PSTPIP1: variants seen among roughly 807,000 people sequenced by gnomAD.
PSTPIP1 encodes the protein proline-serine-threonine phosphatase interacting protein 1.
Under a neutral mutation model 69.6 loss-of-function variants are expected in PSTPIP1, and 66 were observed. That is an observed-to-expected ratio of 0.95 (90% CI 0.78 to 1.16). The LOEUF is 1.16. Ranked by LOEUF, PSTPIP1 falls within the 50% of genes most tolerant of loss-of-function variation. The probability of loss-of-function intolerance (pLI) is 0.00; values close to 1 mark genes in which losing one functional copy is unlikely to be tolerated. For synonymous variants in PSTPIP1, 266 were observed against 222.7 expected (o/e 1.19, Z -1.73); for missense variants, 603 against 557.4 (o/e 1.08, Z -0.82).
rs369985315 is a variant in PSTPIP1, at chr15:77,023,203, GA to G, written c.213-2080del. ...ATGAGCCTGGGGACAATGAGGAGGA[GA>G]GCCAGGCATTGCCCCTGTCCTCAAG... On this transcript the variant is annotated intron_variant, in intron 3 of 14. Transcript: ENST00000558012. Among the ~76,000 whole-genome samples the G allele has an allele frequency of 2.2e-3, 329 of 152,390 alleles. 2 individuals carry two copies. Among genetic ancestry groups the G allele is most frequent in the African/African-American group, 7.8e-3 (323 of 41,596 alleles).
intron 9 of PSTPIP1, 93 bp downstream of exon 9, chr15:77,030,674 A>G: frequency 8.1e-7 from 1 of 1,230,932 alleles, no homozygotes; most frequent in Non-Finnish European, 1.1e-6. Context: ...CAAGTGAGGC[A>G]GTTGGGGAAG....
Position 77,037,219 on chromosome 15 carries a change from CCAG to C in PSTPIP1, c.*47_*49del, listed in dbSNP as rs1270263768. 1 of 1,557,674 alleles carries C rather than the reference CCAG, an allele frequency of 6.4e-7. No individual in the cohort carries two copies. The highest frequency in any genetic ancestry group is 1.4e-5 in the African/African-American group (1 of 73,486). On this transcript the variant is annotated 3_prime_UTR_variant, in exon 15 of 15. Coordinates refer to ENST00000558012, the MANE Select transcript of PSTPIP1 (RefSeq NM_003978.5). ...CTTCGGACCTGCCCTGCCAGTGGAG[CCAG>C]CAGTGCCCCCAGCACTGTCCCCACC...
At chr15:77,032,779 G>T in intron 11 of PSTPIP1, 83 bp from the exon 12 acceptor site, 1 of 1,247,930 alleles carries the variant, frequency 8.0e-7, no homozygotes, top group Non-Finnish European at 1.1e-6. Context: ...GCCAGATTGG[G>T]AATGTAGGGC....
At chr15:76,997,732 GA>G (rs2075612184) in intron 1 of PSTPIP1, among the ~76,000 whole-genome samples, 1 of 152,190 alleles carries the variant, frequency 6.6e-6, no homozygotes, top group East Asian at 1.9e-4. Flanking sequence ...TTATCTCCCA[GA>G]GGGGTAAGAA....
At chr15:77,026,212 T>C (rs1156844611) in intron 5 of PSTPIP1, 1 of 455,824 alleles carries the variant, frequency 2.2e-6, no homozygotes, top group South Asian at 1.5e-5. Context: ...TCAGGGAGGC[T>C]GCAGGGCTGA....
chr15:77,037,449 G>A lies in PSTPIP1; in HGVS notation c.*273G>A, dbSNP rs569549438. 65 of 346,524 alleles carry A rather than the reference G, an allele frequency of 1.9e-4. No individual in the cohort carries two copies. Among genetic ancestry groups the A allele is most frequent in the African/African-American group, 1.2e-3 (56 of 47,950 alleles). The allele number at this position is 346,524 out of a possible 1,614,324, so 21.5% of individuals were successfully genotyped here. The stretch of plus-strand genomic sequence containing the variant: ...GGATGTGGAGCTCCCCAACTCAGCC[G>A]AGGCTTCAGCTATAGTTGGAGAAGA... On this transcript the variant is annotated 3_prime_UTR_variant, in exon 15 of 15. Transcript: ENST00000558012.
intron 1 of PSTPIP1, among the ~76,000 whole-genome samples, chr15:77,002,958 G>A (rs551355790): frequency 6.6e-6 from 1 of 152,322 alleles, no homozygotes; most frequent in African/African-American, 2.4e-5. Flanking sequence ...CGGCACTCAA[G>A]GTGGGAGGTA....
chr15:77,027,831 A>G lies in PSTPIP1; in HGVS notation c.355-21A>G. The G allele has an allele frequency of 1.3e-6, 2 of 1,557,866 alleles. No individual in the cohort carries two copies. Among genetic ancestry groups the G allele is most frequent in the Non-Finnish European group, 1.7e-6 (2 of 1,151,376 alleles). ...CTCCCGAGGCCGCGGCCCTCGGCTCAGAACCTCGTGTCCCCTGCAGTATGA... is the reference window on the plus strand; with the variant it reads ...CTCCCGAGGCCGCGGCCCTCGGCTCGGAACCTCGTGTCCCCTGCAGTATGA... On this transcript the variant is annotated intron_variant, in intron 5 of 14. Transcript: ENST00000558012. The surrounding 1 kb of genome is among the most constrained non-coding windows in gnomAD (Gnocchi z 4.3).
intron 10 of PSTPIP1, 138 bp from the exon 11 acceptor site, chr15:77,032,160 C>G (rs890299919): frequency 1.3e-6 from 1 of 759,444 alleles, no homozygotes; most frequent in Non-Finnish European, 2.2e-6. Context: ...AGGGCCGTGA[C>G]CCCTCAGGAT....
chr15:77,018,151 A>G lies in PSTPIP1; in HGVS notation c.40A>G (p.Arg14Gly). The change falls in exon 2 of 15, where the codon AGG (arginine) becomes GGG (glycine). Residue 14 changes from arginine (R) to glycine (G), a missense_variant. By Grantham distance (125) the Arg-to-Gly change is moderately radical. Coordinates refer to ENST00000558012, the MANE Select transcript of PSTPIP1 (RefSeq NM_003978.5). Reference sequence around the variant, plus strand: ...GTCCTTCTGTCCTGTGTCACAGTGCAGGGACTTCACAGCCCACACGGGCTA... The same window carrying G: ...GTCCTTCTGTCCTGTGTCACAGTGCGGGGACTTCACAGCCCACACGGGCTA... ...QLQFKDAFWC[R>G]DFTAHTGYEV... The G allele has an allele frequency of 6.3e-7, 1 of 1,577,510 alleles. No homozygotes were observed. Among genetic ancestry groups the G allele is most frequent in the Non-Finnish European group, 8.6e-7 (1 of 1,162,446 alleles).
intron 1 of PSTPIP1, among the ~76,000 whole-genome samples, chr15:77,013,520 G>A (rs574609703): frequency 6.6e-6 from 1 of 152,230 alleles, no homozygotes; most frequent in East Asian, 1.9e-4. Flanking sequence ...TCTCTCCCTG[G>A]CACCTGGGCA....
At chr15:77,000,472 TATATACACACACAC>T (rs2075680969) in intron 1 of PSTPIP1, among the ~76,000 whole-genome samples, 2 of 144,766 alleles carry the variant, frequency 1.4e-5, no homozygotes, top group African/African-American at 2.7e-5. Context: ...TATATATATA[TATATACACACACAC>T]ACACACACAC....
rs151046609 is a variant in PSTPIP1 at position 77,023,439 on chromosome 15, C to T, written c.213-1845C>T. ...TGACAGGTGGGAGGTGGAGGTGGTG[C>T]GGCAGGGGCTGCAGCGGTGGTGGCA... On this transcript the variant is annotated intron_variant, in intron 3 of 14. Coordinates refer to ENST00000558012, the MANE Select transcript of PSTPIP1 (RefSeq NM_003978.5). 399 of 152,796 alleles carry T rather than the reference C, an allele frequency of 2.6e-3. 1 individual carries two copies. The highest frequency in any genetic ancestry group is 3.4e-3 in the Admixed American group (52 of 15,280). The allele number at this position is 152,796 out of a possible 1,614,324, so 9.5% of individuals were successfully genotyped here.
At chr15:77,033,204 T>C (rs1430922845) in intron 12 of PSTPIP1, among the ~76,000 whole-genome samples, 1 of 152,192 alleles carries the variant, frequency 6.6e-6, no homozygotes, top group East Asian at 1.9e-4. Context: ...CTCCGAGCTC[T>C]GGGGAGGCCC....
intron 7 of PSTPIP1, among the ~76,000 whole-genome samples, chr15:77,029,016 G>A (rs556586494): frequency 2.0e-5 from 3 of 152,350 alleles, no homozygotes; most frequent in South Asian, 4.1e-4. Context: ...TAAGTGACTT[G>A]TCTAAGGTCT....
chr15:77,037,206 C>T lies in PSTPIP1; in HGVS notation c.*30C>T. ...GGGCCAGGAGCCCCTTCGGACCTGC[C>T]CTGCCAGTGGAGCCAGCAGTGCCCC... On this transcript the variant is annotated 3_prime_UTR_variant, in exon 15 of 15. Coordinates refer to ENST00000558012, the MANE Select transcript of PSTPIP1 (RefSeq NM_003978.5). The T allele has an allele frequency of 5.7e-6, 9 of 1,569,172 alleles. No homozygotes were observed. The highest frequency in any genetic ancestry group is 7.8e-6 in the Non-Finnish European group (9 of 1,158,980).
intron 1 of PSTPIP1, among the ~76,000 whole-genome samples, chr15:77,010,313 C>T (rs2152672038): frequency 6.6e-6 from 1 of 152,322 alleles, no homozygotes; most frequent in South Asian, 2.1e-4. Context: ...ACGGGGTTCC[C>T]TGAGGACTGG....
intron 1 of PSTPIP1, among the ~76,000 whole-genome samples, chr15:77,006,743 C>A (rs2075822617): frequency 6.6e-6 from 1 of 152,182 alleles, no homozygotes; most frequent in Admixed American, 6.5e-5. Flanking sequence ...TGTCAAAAAT[C>A]AATTGACCAT....
In PSTPIP1 at chr15:77,037,146, C is replaced by A. The variant is rs200363654; in HGVS notation, c.1221C>A (p.Phe407Leu). 1.5e-4 allele frequency: 238 copies of A among 1,611,332 alleles called. No homozygotes were observed. The East Asian group carries it at 4.4e-3, about 30-fold the overall frequency. ...WTVERNGQRGFVPGSYLEKL is the reference protein window; with the variant it reads ...WTVERNGQRGLVPGSYLEKL ...TGGAGAGGAACGGGCAGCGTGGCTT[C>A]GTCCCTGGTTCCTACCTGGAGAAGC... The change falls in exon 15 of 15, where the codon TTC becomes TTA. Residue 407 changes from phenylalanine to leucine, a missense_variant. Physicochemically the swap from Phe to Leu is conservative, Grantham distance 22. Coordinates refer to ENST00000558012, the MANE Select transcript of PSTPIP1 (RefSeq NM_003978.5).
Sources: allele counts gnomAD v4.1 joint callset (sites outside exome capture counted in the v4.1 genomes callset), GRCh38; gene constraint gnomAD v4.1.1; non-coding constraint Gnocchi (gnomAD v3.1); transcripts MANE v1.5; gene names NCBI Gene and HGNC (gene_info 2026-07-23, HGNC 2026-07-21).